The following LMTK2 variants were observed in gnomAD, a reference collection of about 807,000 sequenced individuals.
LMTK2 encodes lemur tail kinase 2.
LMTK2 carries 37 observed loss-of-function variants against 127.5 expected under a neutral mutation model. That is an observed-to-expected ratio of 0.29 (90% CI 0.22 to 0.38). The LOEUF is 0.38. Among genes scored for constraint, LMTK2 ranks in the 10% least tolerant of loss-of-function variants. LMTK2 has a pLI of 1.00. For missense variants in LMTK2, 1,694 were observed against 1,920.3 expected (o/e 0.88, Z 2.20); for synonymous variants, 819 against 810.1 (o/e 1.01, Z -0.19).
chr7:98,107,298 G>C lies in LMTK2; in HGVS notation c.103+18G>C. On this transcript the variant is annotated intron_variant, in intron 1 of 13. Coordinates refer to ENST00000297293, the MANE Select transcript of LMTK2 (RefSeq NM_014916.4). ...AGGTGCAGGTGAGCGGGCCCGCGGC[G>C]GGGACGGGGCTGCGGGGTCTTCGGC... 7.5e-7 allele frequency: 1 copy of C among 1,333,782 alleles called. No homozygotes were observed. The highest frequency in any genetic ancestry group is 9.6e-7 in the Non-Finnish European group (1 of 1,044,326). The allele number at this position is 1,333,782 out of a possible 1,614,324, so 82.6% of individuals were successfully genotyped here. A position where few individuals can be genotyped will look rare whatever the true frequency, so the allele number is the denominator to read the frequency against.
At position 98,194,731 on chromosome 7, in the gene LMTK2, T is replaced by C. The variant is rs375008622; in HGVS notation, c.4107+159T>C. Among the ~76,000 whole-genome samples the C allele has an allele frequency of 6.6e-6, 1 of 152,240 alleles. No homozygotes were observed. Among genetic ancestry groups the C allele is most frequent in the African/African-American group, 2.4e-5 (1 of 41,454 alleles). On this transcript the variant is annotated intron_variant, in intron 11 of 13. Transcript: ENST00000297293. This position sits in a 1 kb window ranked among gnomAD's most constrained non-coding sequence, Gnocchi z 5.4. Reference sequence around the variant, plus strand: ...TTGGGGTTGGTTAGAGTTCTAAGAATATGCAGAAATGTCATTTGCTCAGGG... The same window carrying C: ...TTGGGGTTGGTTAGAGTTCTAAGAACATGCAGAAATGTCATTTGCTCAGGG...
rs200582016 is a variant in LMTK2, at chr7:98,192,112, C to A, written c.1647C>A (p.Ser549Arg). 1 of 1,553,140 alleles carries A rather than the reference C, an allele frequency of 6.4e-7. No individual in the cohort carries two copies. Among genetic ancestry groups the A allele is most frequent in the East Asian group, 2.3e-5 (1 of 44,414 alleles). The change falls in exon 11 of 14, where the codon AGC becomes AGA. Residue 549 changes from serine (S) to arginine (R), a missense_variant. Coordinates refer to ENST00000297293, the MANE Select transcript of LMTK2 (RefSeq NM_014916.4). ...ATGCCCACAACCTTTCTGTTGGAAG[C>A]GACTATTATATCCAGTTAGAAGAAA... ...VFDAHNLSVG[S>R]DYYIQLEEKS...
Position 98,137,338 on chromosome 7 carries a change from G to T in LMTK2, c.127G>T (p.Val43Phe), listed in dbSNP as rs1268846505. Residue 43 changes from valine to phenylalanine, a missense_variant, in exon 2 of 14, where the codon GTT becomes TTT. Around this residue, in one of 8 missense-constraint regions of LMTK2, gnomAD observed 76 missense variants for 82.0 expected, o/e 0.93. Transcript: ENST00000297293. ...AGGGGAGGCGCCACCTGCTGCAGAA[G>T]TTTCCTCATCTTTTGTGATCCTGTG... is the stretch of plus-strand genomic sequence containing the variant. ...GAGEAPPAAE[V>F]SSSFVILCVC... 1.9e-6 allele frequency: 3 copies of T among 1,612,216 alleles called. No homozygotes were observed. Among genetic ancestry groups the T allele is most frequent in the African/African-American group, 1.3e-5 (1 of 74,832 alleles).
chr7:98,190,935 AAC>A (rs66773750), intron 10 of LMTK2, 58 bp downstream of exon 10: 226,079 of 1,537,512 alleles, frequency 0.15, 17,609 homozygotes, highest in East Asian at 0.23. Flanking sequence ...GTGTCCCCAA[AAC>A]ACAAAAAAAT....
Position 98,192,302 on chromosome 7 carries a change from C to G in LMTK2, c.1837C>G (p.Pro613Ala). 1.9e-6 allele frequency: 3 copies of G among 1,547,680 alleles called. No individual in the cohort carries two copies. Among genetic ancestry groups the G allele is most frequent in the Non-Finnish European group, 2.6e-6 (3 of 1,153,766 alleles). Reference sequence around the variant, plus strand: ...GGACTTCTTCCAAAGCAGTACAGACCCCAAAGACTCTAGCTTACCAGGGGA... The same window carrying G: ...GGACTTCTTCCAAAGCAGTACAGACGCCAAAGACTCTAGCTTACCAGGGGA... ...DEDFFQSSTD[P>A]KDSSLPGDLH... The change falls in exon 11 of 14, where the codon CCC becomes GCC. Residue 613 changes from proline to alanine, a missense_variant. By Grantham distance (27) the Pro-to-Ala change is conservative. Transcript: ENST00000297293.
At position 98,193,007 on chromosome 7, in the gene LMTK2, A is replaced by G. The variant is rs1484917038; in HGVS notation, c.2542A>G (p.Ile848Val). ...GETQPTCLDV[I>V]VPEDCLHQDI... ...AACCCAGCCCACGTGTTTAGATGTT[A>G]TTGTCCCGGAGGACTGTCTCCACCA... Residue 848 changes from isoleucine to valine, a missense_variant, in exon 11 of 14, where the codon ATT (isoleucine) becomes GTT (valine). By Grantham distance (29) the Ile-to-Val change is conservative. Around this residue, in one of 8 missense-constraint regions of LMTK2, gnomAD observed 527 missense variants for 539.8 expected, o/e 0.98. Coordinates refer to ENST00000297293, the MANE Select transcript of LMTK2 (RefSeq NM_014916.4). This position sits in a 1 kb window ranked among gnomAD's most constrained non-coding sequence, Gnocchi z 4.1. The G allele has an allele frequency of 2.5e-6, 4 of 1,614,048 alleles. No homozygotes were observed. The highest frequency in any genetic ancestry group is 2.2e-5 in the East Asian group (1 of 44,858).
chr7:98,133,020 A>G (rs764293264), intron 1 of LMTK2, among the ~76,000 whole-genome samples: 13 of 152,234 alleles, frequency 8.5e-5, no homozygotes, highest in Admixed American at 2.0e-4. Context: ...GAGTTTCTCA[A>G]GTTTTCTGCT....
chr7:98,136,765 C>T (rs1375344393), intron 1 of LMTK2, among the ~76,000 whole-genome samples: 1 of 152,188 alleles, frequency 6.6e-6, no homozygotes, highest in Non-Finnish European at 1.5e-5. Context: ...TGGTCTAATC[C>T]TGAGAAGACA....
At chr7:98,157,287 AGGT>A (rs1796940095) in intron 5 of LMTK2, among the ~76,000 whole-genome samples, 1 of 150,644 alleles carries the variant, frequency 6.6e-6, no homozygotes, top group African/African-American at 2.5e-5. Flanking sequence ...GTAGGTAGGT[AGGT>A]AGGTAGGTAG....
At chr7:98,123,704 TACACACAC>T (rs143477267) in intron 1 of LMTK2, among the ~76,000 whole-genome samples, 7 of 150,520 alleles carry the variant, frequency 4.7e-5, no homozygotes, top group Non-Finnish European at 7.4e-5. Context: ...TTTTCATATA[TACACACAC>T]ACACACACAC....
intron 11 of LMTK2, among the ~76,000 whole-genome samples, chr7:98,196,786 A>C (rs542968335): frequency 7.9e-5 from 12 of 152,362 alleles, no homozygotes; most frequent in Admixed American, 7.8e-4. Context: ...TACAGAGATC[A>C]AATACCAGAC....
In LMTK2 at chr7:98,111,672, T is replaced by G. The variant is rs55752059; in HGVS notation, c.103+4392T>G. On this transcript the variant is annotated intron_variant, in intron 1 of 13. Transcript: ENST00000297293. ...CTCTCACACTAGATTGCTTCATTGT[T>G]TCAGATTTCTTTGTAAATTTGGTTA... 9.5e-4 allele frequency among the ~76,000 whole-genome samples: 145 copies of G among 152,314 alleles called. 1 individual carries two copies. The highest frequency in any genetic ancestry group is 3.3e-3 in the African/African-American group (138 of 41,576).
intron 1 of LMTK2, among the ~76,000 whole-genome samples, chr7:98,132,050 C>A (rs931557916): frequency 6.6e-6 from 1 of 152,202 alleles, no homozygotes. Flanking sequence ...TCCACCCAGG[C>A]CTGCCGGGAC....
intron 1 of LMTK2, among the ~76,000 whole-genome samples, chr7:98,108,124 A>G (rs1467194324): frequency 6.6e-6 from 1 of 152,200 alleles, no homozygotes; most frequent in Non-Finnish European, 1.5e-5. Context: ...TCATACATTC[A>G]TAGAATGTTA....
rs543825839 is a variant in LMTK2 at position 98,145,045 on chromosome 7, A to C, written c.376+3504A>C. On this transcript the variant is annotated intron_variant, in intron 3 of 13. Transcript: ENST00000297293. ...ATACATTTCTTAAAGTGGGTCAAAG[A>C]GTACATGTGTTTATAATTTTGGTGG... is the stretch of plus-strand genomic sequence containing the variant. Among the ~76,000 whole-genome samples the C allele has an allele frequency of 6.8e-4, 103 of 152,304 alleles. 2 individuals carry two copies. In the South Asian group the frequency reaches 0.021, roughly 31 times the overall value.
intron 1 of LMTK2, among the ~76,000 whole-genome samples, chr7:98,135,713 C>G (rs149238432): frequency 5.3e-5 from 8 of 152,228 alleles, no homozygotes; most frequent in African/African-American, 1.7e-4. Flanking sequence ...AGGTTCACAA[C>G]TATCCTAGTT....
chr7:98,156,413 C>T (rs975326094), intron 5 of LMTK2, among the ~76,000 whole-genome samples: 6 of 151,312 alleles, frequency 4.0e-5, no homozygotes, highest in African/African-American at 9.7e-5. Context: ...TGCAGTGAGC[C>T]GAGATCACGC....
chr7:98,208,514 A>G lies in LMTK2; in HGVS notation c.*3022A>G, dbSNP rs1306312272. The G allele has an allele frequency of 1.3e-5, 2 of 152,280 alleles. No individual in the cohort carries two copies. Among genetic ancestry groups the G allele is most frequent in the African/African-American group, 4.8e-5 (2 of 41,474 alleles). 9.4% of individuals were successfully genotyped at this position (152,280 alleles called of 1,614,324 possible). ...TCTCTAGATAATGTGGGGGAAGGTT[A>G]GAATATTTTCTGGCCTTCTATGGGG... On this transcript the variant is annotated 3_prime_UTR_variant, in exon 14 of 14. Transcript: ENST00000297293.
intron 1 of LMTK2, among the ~76,000 whole-genome samples, chr7:98,122,190 G>A (rs1796373069): frequency 6.6e-6 from 1 of 152,104 alleles, no homozygotes; most frequent in South Asian, 2.1e-4. Context: ...CTTTTGTGGA[G>A]GTCTGGACTC....
Sources: allele counts gnomAD v4.1 joint callset (sites outside exome capture counted in the v4.1 genomes callset), GRCh38; gene constraint gnomAD v4.1.1; regional missense constraint gnomAD v4.1.1; non-coding constraint Gnocchi (gnomAD v3.1); transcripts MANE v1.5; gene names NCBI Gene and HGNC (gene_info 2026-07-23, HGNC 2026-07-21).